Variants in FNTB observed in about 807,000 individuals in gnomAD.
FNTB encodes farnesyltransferase, CAAX box, subunit beta, also known as protein farnesyltransferase subunit beta.
FNTB carries 27 observed loss-of-function variants against 59.4 expected under a neutral mutation model. The observed-to-expected ratio is 0.45, with a 90% CI of 0.34 to 0.63. The LOEUF (loss-of-function observed/expected upper bound fraction) is 0.63. Among genes scored for constraint, FNTB ranks in the 20% least tolerant of loss-of-function variants. FNTB has a pLI of 0.02. For missense variants in FNTB, 449 were observed against 559.6 expected, an observed-to-expected ratio of 0.80 and a Z score of 1.99; for synonymous variants, 230 against 220.7, an observed-to-expected ratio of 1.04 and a Z score of -0.37.
intron 1 of FNTB, among the ~76,000 whole-genome samples, chr14:64,998,263 A>ATTT (rs1245531938): frequency 6.6e-6 from 1 of 152,248 alleles, no homozygotes; most frequent in Non-Finnish European, 1.5e-5. Context: ...TTCAACCTAA[A>ATTT]TTAACAGACA....
intron 11 of FNTB, among the ~76,000 whole-genome samples, chr14:65,055,776 C>T (rs1379446578): frequency 1.3e-5 from 2 of 152,188 alleles, no homozygotes; most frequent in Non-Finnish European, 2.9e-5. Context: ...CTCAGCCTCC[C>T]AAGGTGCCAG....
intron 9 of FNTB, among the ~76,000 whole-genome samples, chr14:65,048,907 A>G (rs2062546908): frequency 6.6e-6 from 1 of 151,646 alleles, no homozygotes. Flanking sequence ...TGGGTGGATC[A>G]TGAGCTCAGG....
At chr14:65,059,478 C>T (rs1050099205) in intron 11 of FNTB, among the ~76,000 whole-genome samples, 1 of 152,070 alleles carries the variant, frequency 6.6e-6, no homozygotes, top group African/African-American at 2.4e-5. Flanking sequence ...ATTGTTGTTA[C>T]TAATTTCTTC....
At chr14:64,988,898 T>C (rs921427864) in intron 1 of FNTB, among the ~76,000 whole-genome samples, 8 of 152,208 alleles carry the variant, frequency 5.3e-5, no homozygotes, top group African/African-American at 1.9e-4. Flanking sequence ...CTCACTGTTT[T>C]AATAATCATG....
chr14:64,996,765 TC>T (rs1888410498), intron 1 of FNTB, among the ~76,000 whole-genome samples: 2 of 127,920 alleles, frequency 1.6e-5, no homozygotes, highest in Non-Finnish European at 3.4e-5. Flanking sequence ...TTTGCTAACA[TC>T]TTTTTTTTTT....
chr14:65,013,986 C>T (rs2061727719), intron 3 of FNTB, among the ~76,000 whole-genome samples: 1 of 152,222 alleles, frequency 6.6e-6, no homozygotes. Flanking sequence ...GGGATTCAAA[C>T]TTAAGCTGCA....
intron 4 of FNTB, among the ~76,000 whole-genome samples, chr14:65,020,538 G>T (rs1331670564): frequency 6.6e-6 from 1 of 151,950 alleles, no homozygotes; most frequent in Non-Finnish European, 1.5e-5. Context: ...CAATTCTCCT[G>T]CCTCGGCCTC....
chr14:64,987,322 A>G (rs1374487851), intron 1 of FNTB: 1 of 591,270 alleles, frequency 1.7e-6, no homozygotes, highest in Non-Finnish European at 3.0e-6. Flanking sequence ...GGCTTGGAGG[A>G]GAGGGCAGTA....
intron 1 of FNTB, among the ~76,000 whole-genome samples, chr14:65,002,374 C>G (rs572891305): frequency 1.3e-5 from 2 of 152,068 alleles, no homozygotes; most frequent in Non-Finnish European, 2.9e-5. Context: ...TTTGGGAGGC[C>G]GAGGCAGGTA....
In FNTB at chr14:65,029,604, T is replaced by C. The variant is rs2062042365; in HGVS notation, c.605+1823T>C. Reference sequence around the variant, plus strand: ...TCCTTTCTAGGTTATATAATCTAGATCATTCTGTGAGGATAAGGTGGAGGC... The same window carrying C: ...TCCTTTCTAGGTTATATAATCTAGACCATTCTGTGAGGATAAGGTGGAGGC... On this transcript the variant is annotated intron_variant, in intron 6 of 11. Coordinates refer to ENST00000246166, the MANE Select transcript of FNTB (RefSeq NM_002028.4). The surrounding 1 kb of genome is among the most constrained non-coding windows in gnomAD (Gnocchi z 4.7). 1.3e-5 allele frequency among the ~76,000 whole-genome samples: 2 copies of C among 152,188 alleles called. No individual in the cohort carries two copies. Among genetic ancestry groups the C allele is most frequent in the African/African-American group, 4.8e-5 (2 of 41,440 alleles).
Position 65,032,455 on chromosome 14 carries a change from A to G in FNTB, c.606-155A>G, listed in dbSNP as rs1196563955. On this transcript the variant is annotated intron_variant, in intron 6 of 11. Coordinates refer to ENST00000246166, the MANE Select transcript of FNTB (RefSeq NM_002028.4). This position sits in a 1 kb window ranked among gnomAD's most constrained non-coding sequence, Gnocchi z 5.0. The stretch of plus-strand genomic sequence containing the variant: ...ATCCAAATAGAATGTCACACCTCTC[A>G]GTTGGAGACCCAGGAGGACTGACCG... The G allele has an allele frequency of 3.2e-6, 2 of 618,678 alleles. No homozygotes were observed. The highest frequency in any genetic ancestry group is 2.6e-6 in the Non-Finnish European group (1 of 381,642). The allele number at this position is 618,678 out of a possible 1,614,324, so 38.3% of individuals were successfully genotyped here. A position where few individuals can be genotyped will look rare whatever the true frequency, so the allele number is the denominator to read the frequency against.
At position 65,044,472 on chromosome 14, in the gene FNTB, C is replaced by T; in HGVS notation, c.955+29C>T. On this transcript the variant is annotated intron_variant, in intron 9 of 11. Transcript: ENST00000246166. The surrounding 1 kb of genome is among the most constrained non-coding windows in gnomAD (Gnocchi z 5.5). ...AGCCTGGGGAGCTGTTCACTTGGGG[C>T]TGGATGATTTCCCTCCACTACTCAC... 1 of 1,581,480 alleles carries T rather than the reference C, an allele frequency of 6.3e-7. No individual in the cohort carries two copies. The highest frequency in any genetic ancestry group is 8.6e-7 in the Non-Finnish European group (1 of 1,168,164).
At chr14:65,045,700 GC>G (rs1392556453) in intron 9 of FNTB, among the ~76,000 whole-genome samples, 1 of 152,100 alleles carries the variant, frequency 6.6e-6, no homozygotes, top group Non-Finnish European at 1.5e-5. Flanking sequence ...ATAGGCGTGA[GC>G]CACCGCACCC....
At chr14:65,010,548 C>T (rs1283599695) in intron 2 of FNTB, among the ~76,000 whole-genome samples, 1 of 152,226 alleles carries the variant, frequency 6.6e-6, no homozygotes, top group Non-Finnish European at 1.5e-5. Context: ...GAGCTTCTAA[C>T]CCTGTCTCCC....
At chr14:65,052,812 A>C (rs2139672917) in intron 9 of FNTB, among the ~76,000 whole-genome samples, 1 of 152,326 alleles carries the variant, frequency 6.6e-6, no homozygotes, top group Non-Finnish European at 1.5e-5. Context: ...GAGTTCTCTG[A>C]GCTAATCAGT....
At chr14:65,002,531 C>A (rs2061534523) in intron 1 of FNTB, among the ~76,000 whole-genome samples, 1 of 152,134 alleles carries the variant, frequency 6.6e-6, no homozygotes, top group East Asian at 1.9e-4. Flanking sequence ...ATCACTTGAA[C>A]CCAGGAGGTG....
rs986201194 is a variant in FNTB at position 65,047,549 on chromosome 14, G to T, written c.955+3106G>T. Among the ~76,000 whole-genome samples the T allele has an allele frequency of 6.6e-6, 1 of 152,190 alleles. No homozygotes were observed. Among genetic ancestry groups the T allele is most frequent in the African/African-American group, 2.4e-5 (1 of 41,434 alleles). ...TGTTGGGGAGAGTGTGAGAAAACAGGTAATTTGATAGTGGGGATGTAAATA... is the reference window on the plus strand; with the variant it reads ...TGTTGGGGAGAGTGTGAGAAAACAGTTAATTTGATAGTGGGGATGTAAATA... On this transcript the variant is annotated intron_variant, in intron 9 of 11. Transcript: ENST00000246166. The surrounding 1 kb of genome is among the most constrained non-coding windows in gnomAD (Gnocchi z 5.2).
rs1334252388 is a variant in FNTB at position 65,011,795 on chromosome 14, G to A, written c.210-522G>A. ...GGCCAGGGCTGTGGGTCACACGTGG[G>A]AGGTGGAATTTCAGGGAGAGAATAA... is the stretch of plus-strand genomic sequence containing the variant. On this transcript the variant is annotated intron_variant, in intron 2 of 11. Coordinates refer to ENST00000246166, the MANE Select transcript of FNTB (RefSeq NM_002028.4). This position sits in a 1 kb window ranked among gnomAD's most constrained non-coding sequence, Gnocchi z 4.0. Among the ~76,000 whole-genome samples the A allele has an allele frequency of 1.3e-5, 2 of 152,236 alleles. No individual in the cohort carries two copies. The highest frequency in any genetic ancestry group is 3.8e-4 in the East Asian group (2 of 5,200).
Position 65,044,355 on chromosome 14 carries a change from G to C in FNTB, c.867G>C (p.Gln289His), listed in dbSNP as rs1276025094. 1 of 1,613,546 alleles carries C rather than the reference G, an allele frequency of 6.2e-7. No individual in the cohort carries two copies. The highest frequency in any genetic ancestry group is 8.5e-7 in the Non-Finnish European group (1 of 1,179,838). The change falls in exon 9 of 12, where the codon CAG (glutamine) becomes CAC (histidine). Residue 289 changes from glutamine to histidine, a missense_variant. Transcript: ENST00000246166. The surrounding 1 kb of genome is among the most constrained non-coding windows in gnomAD (Gnocchi z 5.5). ...SRQMRFEGGF[Q>H]GRCNKLVDGC... ...AGATGCGATTTGAAGGAGGATTTCA[G>C]GGCCGCTGCAACAAGCTGGTGGATG...
Sources: allele counts gnomAD v4.1 joint callset (sites outside exome capture counted in the v4.1 genomes callset), GRCh38; gene constraint gnomAD v4.1.1; non-coding constraint Gnocchi (gnomAD v3.1); transcripts MANE v1.5; gene names NCBI Gene and HGNC (gene_info 2026-07-23, HGNC 2026-07-21).